The following XKR5 variants were observed in gnomAD, a reference collection of about 807,000 sequenced individuals.
XKR5 encodes XK-related protein 5.
In XKR5, 46 loss-of-function variants were observed where a neutral mutation model predicts 40.8. The ratio of observed to expected loss-of-function variants is 1.13; its 90% CI spans 0.89 to 1.44. The LOEUF is 1.44. Among genes scored for constraint, XKR5 ranks in the 40% most tolerant of loss-of-function variants. The pLI is 0.00. For synonymous variants in XKR5, 466 were observed against 356.1 expected (o/e 1.31, Z -3.48); for missense variants, 1,169 against 844.7 (o/e 1.38, Z -4.76).
intron 5 of XKR5, among the ~76,000 whole-genome samples, chr8:6,819,909 C>G (rs1043566729): frequency 4.7e-5 from 7 of 148,392 alleles, no homozygotes; most frequent in Admixed American, 1.3e-4. Flanking sequence ...CCTTCTTTCT[C>G]TGCTCTCTTG....
At chr8:6,824,441 G>C (rs1340250435) in intron 3 of XKR5, among the ~76,000 whole-genome samples, 3 of 152,138 alleles carry the variant, frequency 2.0e-5, no homozygotes, top group Non-Finnish European at 4.4e-5. Context: ...AAATGAGTGG[G>C]AGCTGGAGAC....
intron 2 of XKR5, among the ~76,000 whole-genome samples, chr8:6,830,865 G>A (rs1314653457): frequency 6.6e-6 from 1 of 152,138 alleles, no homozygotes; most frequent in East Asian, 1.9e-4. Flanking sequence ...AAGACAGTGT[G>A]GGGTCCACTG....
In XKR5 at chr8:6,811,497, A is replaced by C. The variant is rs1218687599; in HGVS notation, c.1762T>G (p.Leu588Val). ...AQPASPHPVG[L>V]APFPDTMADI... The stretch of plus-strand genomic sequence containing the variant: ...GCCATGGTGTCGGGGAAGGGCGCCA[A>C]GCCCACTGGGTGGGGCGATGCAGGC... Residue 588 changes from leucine to valine, a missense_variant, in exon 7 of 7, where the codon TTG (leucine) becomes GTG (valine). Transcript: ENST00000618742. 6.5e-7 allele frequency: 1 copy of C among 1,528,706 alleles called. No homozygotes were observed. Among genetic ancestry groups the C allele is most frequent in the African/African-American group, 1.4e-5 (1 of 72,990 alleles). 94.7% of individuals were successfully genotyped at this position (1,528,706 alleles called of 1,614,324 possible). A position where few individuals can be genotyped will look rare whatever the true frequency, so the allele number is the denominator to read the frequency against.
chr8:6,834,401 C>T (rs1284919068), intron 1 of XKR5, among the ~76,000 whole-genome samples: 2 of 152,256 alleles, frequency 1.3e-5, no homozygotes, highest in Non-Finnish European at 2.9e-5. Context: ...CGTCCTGCGG[C>T]AGCCTCCCTT....
chr8:6,833,009 C>T, intron 1 of XKR5, 109 bp from the exon 2 acceptor site: 2 of 1,033,750 alleles, frequency 1.9e-6, no homozygotes, highest in South Asian at 2.1e-5. Context: ...GTTCTGACCT[C>T]TTAAAATCTT....
At chr8:6,830,225 A>C (rs1300969226) in intron 2 of XKR5, among the ~76,000 whole-genome samples, 1 of 152,204 alleles carries the variant, frequency 6.6e-6, no homozygotes, top group African/African-American at 2.4e-5. Context: ...GGACACTCAA[A>C]GTGACCTATT....
intron 6 of XKR5, among the ~76,000 whole-genome samples, chr8:6,814,839 G>A (rs903308790): frequency 3.9e-5 from 6 of 152,140 alleles, no homozygotes; most frequent in Admixed American, 2.6e-4. Flanking sequence ...CCCGTGAACA[G>A]CCCCTGCATC....
At position 6,828,007 on chromosome 8, in the gene XKR5, G is replaced by A. The variant is rs145203837; in HGVS notation, c.243-2658C>T. Among the ~76,000 whole-genome samples the A allele has an allele frequency of 2.3e-3, 353 of 152,222 alleles. 1 individual carries two copies. The highest frequency in any genetic ancestry group is 7.9e-3 in the African/African-American group (329 of 41,518). On this transcript the variant is annotated intron_variant, in intron 2 of 6. Transcript: ENST00000618742. Reference sequence around the variant, plus strand: ...CACTTGAGCCCAGAAGTTCAAGGCTGCAAGTGAGCCATAATTATGCCACTG... The same window carrying A: ...CACTTGAGCCCAGAAGTTCAAGGCTACAAGTGAGCCATAATTATGCCACTG...
chr8:6,817,873 G>A lies in XKR5; in HGVS notation c.808-1955C>T, dbSNP rs533647051. Among the ~76,000 whole-genome samples, 6 of 152,288 alleles carry A rather than the reference G, an allele frequency of 3.9e-5. No individual in the cohort carries two copies. In the South Asian group the frequency reaches 1.0e-3, roughly 26 times the overall value. On this transcript the variant is annotated intron_variant, in intron 5 of 6. Coordinates refer to ENST00000618742, the MANE Select transcript of XKR5 (RefSeq NM_207411.5). ...CCTGCCTCCTGTCATAAAGAAATGAGAAATTTGTTTCTGCTCCCAGCAAGT... is the reference window on the plus strand; with the variant it reads ...CCTGCCTCCTGTCATAAAGAAATGAAAAATTTGTTTCTGCTCCCAGCAAGT...
rs1043528638 is a variant in XKR5, at chr8:6,812,073, C to G, written c.1186G>C (p.Glu396Gln). The G allele has an allele frequency of 6.5e-7, 1 of 1,541,168 alleles. No homozygotes were observed. Among genetic ancestry groups the G allele is most frequent in the South Asian group, 1.2e-5 (1 of 84,060 alleles). Residue 396 changes from glutamate to glutamine, a missense_variant, in exon 7 of 7, where the codon GAG becomes CAG. Transcript: ENST00000618742. ...TGGTGATGACTGAGGAAAGAGTCCT[C>G]CACAGCAACCTGGGTCCCCAGCCCA... ...EAGLGTQVAV[E>Q]DSFLSHHHWL...
At chr8:6,821,816 C>A (rs1387182229) in intron 5 of XKR5, 53 bp downstream of exon 5, 1 of 1,543,792 alleles carries the variant, frequency 6.5e-7, no homozygotes, top group African/African-American at 1.4e-5. Context: ...CCCACACACA[C>A]CCCACTTGCT....
chr8:6,825,466 A>C (rs1804422933), intron 2 of XKR5, 117 bp from the exon 3 acceptor site: 3 of 959,064 alleles, frequency 3.1e-6, no homozygotes, highest in Middle Eastern at 3.3e-4. Flanking sequence ...CTTACTAGTC[A>C]CCTAGAGTTA....
intron 5 of XKR5, among the ~76,000 whole-genome samples, chr8:6,818,112 T>G (rs1804044813): frequency 6.6e-6 from 1 of 152,258 alleles, no homozygotes; most frequent in Admixed American, 6.5e-5. Context: ...ATACACTCAG[T>G]GCAATCTGTT....
intron 2 of XKR5, chr8:6,829,440 G>C (rs1198638861): frequency 6.2e-6 from 1 of 161,802 alleles, no homozygotes; most frequent in Admixed American, 6.5e-5. Flanking sequence ...AACAGAGTCA[G>C]ACTTAAAATG....
chr8:6,829,769 C>A (rs1361030921), intron 2 of XKR5, among the ~76,000 whole-genome samples: 7 of 151,496 alleles, frequency 4.6e-5, no homozygotes, highest in Non-Finnish European at 8.8e-5. Context: ...AGCCTGCCTC[C>A]ACCTCCTAAA....
intron 5 of XKR5, among the ~76,000 whole-genome samples, chr8:6,821,283 G>A (rs1169050169): frequency 5.9e-5 from 9 of 152,218 alleles, no homozygotes; most frequent in Non-Finnish European, 2.9e-5. Flanking sequence ...TCATCCTGAC[G>A]AGAGGTGATG....
chr8:6,834,372 C>G (rs1368606434), intron 1 of XKR5, among the ~76,000 whole-genome samples: 1 of 152,346 alleles, frequency 6.6e-6, no homozygotes, highest in African/African-American at 2.4e-5. Context: ...AGGCTGGGTC[C>G]GGCTGTCACC....
At chr8:6,813,104 T>C (rs1488251777) in intron 6 of XKR5, among the ~76,000 whole-genome samples, 4 of 152,118 alleles carry the variant, frequency 2.6e-5, no homozygotes, top group Non-Finnish European at 5.9e-5. Flanking sequence ...GGCCAGGAGA[T>C]TGCAGCATGA....
At chr8:6,832,485 G>A (rs537754639) in intron 2 of XKR5, among the ~76,000 whole-genome samples, 2 of 152,288 alleles carry the variant, frequency 1.3e-5, no homozygotes, top group South Asian at 2.1e-4. Context: ...AAAGCCTTTC[G>A]TAAGGTCACA....
Sources: allele counts gnomAD v4.1 joint callset (sites outside exome capture counted in the v4.1 genomes callset), GRCh38; gene constraint gnomAD v4.1.1; transcripts MANE v1.5; gene names NCBI Gene and HGNC (gene_info 2026-07-23, HGNC 2026-07-21).